The following TFEB variants were observed in gnomAD, a reference collection of about 807,000 sequenced individuals.
The protein encoded by TFEB is transcription factor EB, also known as T-cell transcription factor EB.
Under a neutral mutation model 48.0 loss-of-function variants are expected in TFEB, and 12 were observed. That is an observed-to-expected ratio of 0.25 (90% CI 0.16 to 0.40). The LOEUF (loss-of-function observed/expected upper bound fraction) is 0.40, where lower values mean the gene tolerates loss of function less well. Ranked by LOEUF, TFEB falls within the 10% of genes least tolerant of loss-of-function variation. The probability of loss-of-function intolerance (pLI) is 1.00; values close to 1 mark genes in which losing one functional copy is unlikely to be tolerated. For missense variants in TFEB, 509 were observed against 640.3 expected (o/e 0.79, Z 2.21); for synonymous variants, 244 against 261.4 (o/e 0.93, Z 0.64).
chr6:41,729,230 C>T (rs1771352846), intron 1 of TFEB, among the ~76,000 whole-genome samples: 1 of 152,134 alleles, frequency 6.6e-6, no homozygotes, highest in Non-Finnish European at 1.5e-5. Context: ...CCCCCAGGCT[C>T]TCCCAACCAT....
rs969782895 is a variant in TFEB, at chr6:41,720,287, C to T, written c.-23+15063G>A. ...ATCTGGGTCTCATCATCTGAGGCCC[C>T]TACTGGGCTGCCTGCACTCAAAGCT... On this transcript the variant is annotated intron_variant, in intron 1 of 8. Transcript: ENST00000373033. The surrounding 1 kb of genome is among the most constrained non-coding windows in gnomAD (Gnocchi z 4.1). The T allele has an allele frequency of 6.6e-6, 1 of 152,206 alleles. No homozygotes were observed. The highest frequency in any genetic ancestry group is 2.4e-5 in the African/African-American group (1 of 41,432). 9.4% of individuals were successfully genotyped at this position (152,206 alleles called of 1,614,324 possible). A position where few individuals can be genotyped will look rare whatever the true frequency, so the allele number is the denominator to read the frequency against.
intron 1 of TFEB, among the ~76,000 whole-genome samples, chr6:41,716,389 A>C (rs1770734655): frequency 6.6e-6 from 1 of 151,950 alleles, no homozygotes; most frequent in Non-Finnish European, 1.5e-5. Context: ...GTCTGAGGCC[A>C]ACTGGACCCC....
chr6:41,711,418 A>G (rs756622984), intron 1 of TFEB, among the ~76,000 whole-genome samples: 15 of 152,074 alleles, frequency 9.9e-5, no homozygotes, highest in Non-Finnish European at 1.8e-4. Context: ...AATGGTATAC[A>G]TGCAGGAAAA....
rs993702174 is a variant in TFEB at position 41,734,964 on chromosome 6, G to A, written c.-23+386C>T. The A allele has an allele frequency of 1.0e-6, 1 of 985,396 alleles. No individual in the cohort carries two copies. Among genetic ancestry groups the A allele is most frequent in the Non-Finnish European group, 1.2e-6 (1 of 829,960 alleles). The allele number at this position is 985,396 out of a possible 1,614,324, so 61.0% of individuals were successfully genotyped here. A position where few individuals can be genotyped will look rare whatever the true frequency, so the allele number is the denominator to read the frequency against. On this transcript the variant is annotated intron_variant, in intron 1 of 8. Transcript: ENST00000373033. The surrounding 1 kb of genome is among the most constrained non-coding windows in gnomAD (Gnocchi z 4.0). ...CCGGTGGAGGGGGAGTGGGCGCGGG[G>A]CCCGCGCGTCCCTCAAACTTCTTGC...
At chr6:41,714,514 AT>A (rs1160382503) in intron 1 of TFEB, among the ~76,000 whole-genome samples, 1 of 152,178 alleles carries the variant, frequency 6.6e-6, no homozygotes, top group Non-Finnish European at 1.5e-5. Flanking sequence ...GCGAGGGAAA[AT>A]TCATCACCAG....
intron 1 of TFEB, among the ~76,000 whole-genome samples, chr6:41,700,195 G>A (rs1034286465): frequency 9.9e-5 from 15 of 151,482 alleles, no homozygotes; most frequent in African/African-American, 3.7e-4. Context: ...GGCTGGGCGC[G>A]GTGGCTCACG....
intron 1 of TFEB, among the ~76,000 whole-genome samples, chr6:41,697,027 T>C (rs1342953659): frequency 1.3e-5 from 2 of 152,202 alleles, no homozygotes; most frequent in African/African-American, 4.8e-5. Flanking sequence ...GAGAGTGTCA[T>C]ATTTACAATA....
chr6:41,734,918 C>T lies in TFEB; in HGVS notation c.-23+432G>A. On this transcript the variant is annotated intron_variant, in intron 1 of 8. Transcript: ENST00000373033. This position sits in a 1 kb window ranked among gnomAD's most constrained non-coding sequence, Gnocchi z 4.0. ...CCCCTACCTCCGACCCCCTCTCAGGCATCGCCGGCCCCAGCCGTGTCCGGT... is the reference window on the plus strand; with the variant it reads ...CCCCTACCTCCGACCCCCTCTCAGGTATCGCCGGCCCCAGCCGTGTCCGGT... 1.0e-6 allele frequency: 1 copy of T among 985,450 alleles called. No homozygotes were observed. The highest frequency in any genetic ancestry group is 1.2e-6 in the Non-Finnish European group (1 of 829,984). The allele number at this position is 985,450 out of a possible 1,614,324, so 61.0% of individuals were successfully genotyped here.
chr6:41,729,272 G>A (rs919847383), intron 1 of TFEB, among the ~76,000 whole-genome samples: 2 of 152,090 alleles, frequency 1.3e-5, no homozygotes, highest in African/African-American at 4.8e-5. Context: ...CCACCTAGAA[G>A]ATGACAGAGA....
At chr6:41,725,499 G>A (rs1771166766) in intron 1 of TFEB, among the ~76,000 whole-genome samples, 1 of 152,174 alleles carries the variant, frequency 6.6e-6, no homozygotes, top group African/African-American at 2.4e-5. Flanking sequence ...TACCCTCTGG[G>A]AAGAGGCTTC....
In TFEB at chr6:41,734,815, CCAG is replaced by C; in HGVS notation, c.-23+532_-23+534del. 1 of 872,768 alleles carries C rather than the reference CCAG, an allele frequency of 1.1e-6. No individual in the cohort carries two copies. Among genetic ancestry groups the C allele is most frequent in the Non-Finnish European group, 1.4e-6 (1 of 727,050 alleles). 54.1% of individuals were successfully genotyped at this position (872,768 alleles called of 1,614,324 possible). ...TACTTCCACCCGCCCCCCCATCAGC[CCAG>C]CCCCCGGGGCGTGGCGCCGCTCTGG... On this transcript the variant is annotated intron_variant, in intron 1 of 8. Coordinates refer to ENST00000373033, the MANE Select transcript of TFEB (RefSeq NM_001271944.2). The surrounding 1 kb of genome is among the most constrained non-coding windows in gnomAD (Gnocchi z 4.0).
chr6:41,706,035 C>T (rs1255485894), intron 1 of TFEB: 2 of 152,108 alleles, frequency 1.3e-5, no homozygotes, highest in Admixed American at 6.5e-5. Flanking sequence ...TCGCCAGGGC[C>T]GCCCTGCCCA....
At chr6:41,721,468 T>G (rs1770981538) in intron 1 of TFEB, among the ~76,000 whole-genome samples, 1 of 152,038 alleles carries the variant, frequency 6.6e-6, no homozygotes, top group Non-Finnish European at 1.5e-5. Context: ...TTTTCTAGTC[T>G]CTTCTTTTTC....
At chr6:41,701,941 T>C (rs1248439248) in intron 1 of TFEB, among the ~76,000 whole-genome samples, 1 of 82,838 alleles carries the variant, frequency 1.2e-5, no homozygotes. Context: ...CAAGGCTCCG[T>C]CTCAAAAAAA....
chr6:41,705,201 G>A (rs1295373717), intron 1 of TFEB, among the ~76,000 whole-genome samples: 1 of 152,222 alleles, frequency 6.6e-6, no homozygotes, highest in Admixed American at 6.5e-5. Flanking sequence ...AGGCCTGGGA[G>A]TGTGGAGGCT....
chr6:41,713,502 T>TGTAG lies in TFEB; in HGVS notation c.-23+21844_-23+21847dup, dbSNP rs576618001. Among the ~76,000 whole-genome samples, 32 of 152,268 alleles carry TGTAG rather than the reference T, an allele frequency of 2.1e-4. No homozygotes were observed. In the East Asian group the frequency reaches 6.2e-3, roughly 29 times the overall value. Reference sequence around the variant, plus strand: ...CCCTACGCTGACTCACTCTTATAGCTGTAGGCATGGGCAGCCTACTCCTCT... The same window carrying TGTAG: ...CCCTACGCTGACTCACTCTTATAGCTGTAGGTAGGCATGGGCAGCCTACTCCTCT... On this transcript the variant is annotated intron_variant, in intron 1 of 8. Coordinates refer to ENST00000373033, the MANE Select transcript of TFEB (RefSeq NM_001271944.2).
At chr6:41,726,074 A>T (rs1771195518) in intron 1 of TFEB, among the ~76,000 whole-genome samples, 1 of 152,174 alleles carries the variant, frequency 6.6e-6, no homozygotes, top group Admixed American at 6.5e-5. Flanking sequence ...GCGCCACTGC[A>T]CTCCAGCCTG....
At chr6:41,714,122 TGTGC>T (rs1561866597) in intron 1 of TFEB, among the ~76,000 whole-genome samples, 1 of 134,786 alleles carries the variant, frequency 7.4e-6, no homozygotes, top group Non-Finnish European at 1.6e-5. Context: ...TGTGTGTGTG[TGTGC>T]GTGTGCATGT....
intron 1 of TFEB, among the ~76,000 whole-genome samples, chr6:41,697,055 C>G (rs1421134225): frequency 6.6e-6 from 1 of 152,132 alleles, no homozygotes; most frequent in African/African-American, 2.4e-5. Flanking sequence ...CAGCTGCTCC[C>G]TTACAACTTA....
Sources: gnomAD v4.1 joint callset for allele counts (sites outside exome capture counted in the v4.1 genomes callset) on GRCh38, gnomAD v4.1.1 for gene constraint, Gnocchi (gnomAD v3.1) non-coding constraint, MANE v1.5 for transcripts, NCBI Gene and HGNC (gene_info 2026-07-23, HGNC 2026-07-21) for gene names.